MVB12B: variants seen among roughly 807,000 people sequenced by gnomAD.
MVB12B encodes the protein multivesicular body subunit 12B, also known as ESCRT-I complex subunit MVB12B.
In MVB12B, 16 loss-of-function variants were observed where a neutral mutation model predicts 41.6. That is an observed-to-expected ratio of 0.38 (90% CI 0.26 to 0.58). The LOEUF (loss-of-function observed/expected upper bound fraction) is 0.58. Ranked by LOEUF, MVB12B falls within the 20% of genes least tolerant of loss-of-function variation. The pLI is 0.62. For missense variants in MVB12B, 274 were observed against 380.2 expected (o/e 0.72, Z 2.32); for synonymous variants, 133 against 139.7 (o/e 0.95, Z 0.34).
chr9:126,362,062 G>A (rs914206652), intron 2 of MVB12B, among the ~76,000 whole-genome samples: 3 of 152,088 alleles, frequency 2.0e-5, no homozygotes, highest in African/African-American at 7.2e-5. Context: ...CTGGTTTTAA[G>A]CATTTTGATT....
chr9:126,465,024 G>T (rs1009158977), intron 7 of MVB12B, among the ~76,000 whole-genome samples: 7 of 152,178 alleles, frequency 4.6e-5, no homozygotes, highest in African/African-American at 1.4e-4. Context: ...CTTGCCCTTT[G>T]GTTTCAGGGG....
At chr9:126,394,772 C>T (rs1831058304) in intron 5 of MVB12B, among the ~76,000 whole-genome samples, 1 of 152,152 alleles carries the variant, frequency 6.6e-6, no homozygotes, top group Non-Finnish European at 1.5e-5. Flanking sequence ...ATTAGGGGTT[C>T]CCACAGAATA....
At chr9:126,430,813 A>C (rs1330652984) in intron 7 of MVB12B, among the ~76,000 whole-genome samples, 1 of 152,230 alleles carries the variant, frequency 6.6e-6, no homozygotes, top group Non-Finnish European at 1.5e-5. Flanking sequence ...TGTGCACTGC[A>C]CAAAATATGT....
chr9:126,496,735 CT>C (rs1833844260), intron 9 of MVB12B, among the ~76,000 whole-genome samples: 1 of 152,246 alleles, frequency 6.6e-6, no homozygotes, highest in South Asian at 2.1e-4. Context: ...GGAAAGACCT[CT>C]CCCCAGGATG....
rs75503709 is a variant in MVB12B, at chr9:126,389,377, T to C, written c.410-2689T>C. Among the ~76,000 whole-genome samples, 2,096 of 152,320 alleles carry C rather than the reference T, an allele frequency of 0.014. 47 individuals carry two copies. Among genetic ancestry groups the C allele is most frequent in the African/African-American group, 0.048 (2,004 of 41,554 alleles). On this transcript the variant is annotated intron_variant, in intron 4 of 9. Coordinates refer to ENST00000361171, the MANE Select transcript of MVB12B (RefSeq NM_033446.3). This position sits in a 1 kb window ranked among gnomAD's most constrained non-coding sequence, Gnocchi z 4.4. ...AAAAACAGGAGACTCCTGTAATTCA[T>C]TGAAAATATGGTTTGCTGTAATCCA...
At chr9:126,502,730 G>T (rs10122983) in intron 9 of MVB12B, among the ~76,000 whole-genome samples, 40,182 of 152,168 alleles carry the variant, frequency 0.26, 5,398 homozygotes, top group South Asian at 0.29. Flanking sequence ...CATATCAGGG[G>T]TCCCTAGAGC....
At chr9:126,440,553 GA>G (rs144810268) in intron 7 of MVB12B, among the ~76,000 whole-genome samples, 2 of 150,186 alleles carry the variant, frequency 1.3e-5, no homozygotes, top group Non-Finnish European at 3.0e-5. Flanking sequence ...ACATCAGAAA[GA>G]AAAAAAAAGC....
intron 6 of MVB12B, among the ~76,000 whole-genome samples, chr9:126,405,784 C>T (rs562483160): frequency 2.8e-4 from 43 of 151,344 alleles, no homozygotes; most frequent in African/African-American, 1.0e-3. Flanking sequence ...ATCTGAATAT[C>T]CTTCATGAGC....
chr9:126,369,495 C>T (rs769869254), intron 2 of MVB12B, among the ~76,000 whole-genome samples: 1 of 152,166 alleles, frequency 6.6e-6, no homozygotes, highest in Non-Finnish European at 1.5e-5. Context: ...CCATGCAACC[C>T]CCAGGCCCAT....
At position 126,473,390 on chromosome 9, in the gene MVB12B, T is replaced by A. The variant is rs1833354736; in HGVS notation, c.758-7979T>A. On this transcript the variant is annotated intron_variant, in intron 7 of 9. Coordinates refer to ENST00000361171, the MANE Select transcript of MVB12B (RefSeq NM_033446.3). This position sits in a 1 kb window ranked among gnomAD's most constrained non-coding sequence, Gnocchi z 4.0. ...ACTCCTCTAAGCCTTGCAAGTGGTG[T>A]ATTAGTTCATTCTTGCGTTACTATA... Among the ~76,000 whole-genome samples the A allele has an allele frequency of 6.6e-6, 1 of 152,216 alleles. No homozygotes were observed. The highest frequency in any genetic ancestry group is 1.5e-5 in the Non-Finnish European group (1 of 68,042).
At chr9:126,409,847 T>C (rs570401273) in intron 6 of MVB12B, among the ~76,000 whole-genome samples, 1 of 152,364 alleles carries the variant, frequency 6.6e-6, no homozygotes, top group East Asian at 1.9e-4. Flanking sequence ...TAATTAAATA[T>C]TCAAATTAGG....
chr9:126,494,078 T>A (rs1312289920), intron 9 of MVB12B, among the ~76,000 whole-genome samples: 1 of 152,256 alleles, frequency 6.6e-6, no homozygotes, highest in Non-Finnish European at 1.5e-5. Flanking sequence ...CGTTTTGACT[T>A]GCTATTTATA....
intron 6 of MVB12B, among the ~76,000 whole-genome samples, chr9:126,397,853 C>G (rs1450491851): frequency 6.6e-6 from 1 of 152,170 alleles, no homozygotes; most frequent in Non-Finnish European, 1.5e-5. Context: ...CTTCAGGTCT[C>G]TACACTCTCC....
intron 7 of MVB12B, among the ~76,000 whole-genome samples, chr9:126,449,934 G>A (rs944031222): frequency 2.0e-5 from 3 of 152,218 alleles, no homozygotes; most frequent in Non-Finnish European, 4.4e-5. Flanking sequence ...AATCAAGGCA[G>A]TGGCCCATGG....
At chr9:126,501,701 G>C (rs372403349) in intron 9 of MVB12B, among the ~76,000 whole-genome samples, 5 of 152,254 alleles carry the variant, frequency 3.3e-5, no homozygotes, top group African/African-American at 1.2e-4. Context: ...AGGGAAAAAG[G>C]CCTCCCATGC....
At chr9:126,369,938 C>A (rs1236400663) in intron 2 of MVB12B, among the ~76,000 whole-genome samples, 1 of 152,162 alleles carries the variant, frequency 6.6e-6, no homozygotes, top group African/African-American at 2.4e-5. Flanking sequence ...CAGGTGTGAG[C>A]CACCATGCCC....
chr9:126,370,470 C>T (rs887270368), intron 2 of MVB12B, among the ~76,000 whole-genome samples: 3 of 151,094 alleles, frequency 2.0e-5, no homozygotes, highest in African/African-American at 7.3e-5. Context: ...GCAGCCTCTG[C>T]CTCTGGGTTC....
intron 2 of MVB12B, among the ~76,000 whole-genome samples, chr9:126,341,840 C>G (rs896971773): frequency 6.6e-6 from 1 of 152,136 alleles, no homozygotes; most frequent in African/African-American, 2.4e-5. Context: ...GAATCACCCC[C>G]CATTGAGAAC....
chr9:126,326,968 G>A lies in MVB12B; in HGVS notation c.39G>A (p.Pro13=), dbSNP rs1463429192. 2.4e-5 allele frequency: 6 copies of A among 253,320 alleles called. No homozygotes were observed. The highest frequency in any genetic ancestry group is 1.5e-4 in the East Asian group (1 of 6,738). 15.7% of individuals were successfully genotyped at this position (253,320 alleles called of 1,614,324 possible). The change falls in exon 1 of 10, where the codon CCG becomes CCA. Residue 13 remains proline, a synonymous_variant. Transcript: ENST00000361171. ...SCFCVRRSRD[P]PPPQPPPPPP... is the part of the protein sequence containing the mutation. The stretch of plus-strand genomic sequence containing the variant: ...TCTGCGTGAGACGGAGCCGGGACCC[G>A]CCGCCGCCGCAGCCACCGCCGCCGC...
Sources: allele counts gnomAD v4.1 joint callset (sites outside exome capture counted in the v4.1 genomes callset), GRCh38; gene constraint gnomAD v4.1.1; non-coding constraint Gnocchi (gnomAD v3.1); transcripts MANE v1.5; gene names NCBI Gene and HGNC (gene_info 2026-07-23, HGNC 2026-07-21).